The following LMBRD1 variants were observed in gnomAD, a reference collection of about 807,000 sequenced individuals.
LMBRD1 encodes LMBR1 domain containing 1.
In LMBRD1, 64 loss-of-function variants were observed where a neutral mutation model predicts 74.8. That is an observed-to-expected ratio of 0.86 (90% CI 0.70 to 1.05). The LOEUF is 1.05. Among genes scored for constraint, LMBRD1 ranks in the 50% least tolerant of loss-of-function variants. LMBRD1 has a pLI of 0.00. For missense variants in LMBRD1, 652 were observed against 645.9 expected (o/e 1.01, Z -0.10); for synonymous variants, 204 against 216.3 (o/e 0.94, Z 0.50).
At chr6:69,711,248 T>C (rs1014920665) in intron 9 of LMBRD1, among the ~76,000 whole-genome samples, 1 of 152,160 alleles carries the variant, frequency 6.6e-6, no homozygotes, top group African/African-American at 2.4e-5. Context: ...TTCCATTTAT[T>C]TAAAATTCCA....
intron 12 of LMBRD1, among the ~76,000 whole-genome samples, chr6:69,699,988 T>A (rs974795297): frequency 1.3e-5 from 2 of 151,868 alleles, no homozygotes; most frequent in African/African-American, 4.8e-5. Context: ...TTTATTGATA[T>A]AATTGTTTAC....
intron 7 of LMBRD1, among the ~76,000 whole-genome samples, chr6:69,724,346 T>C (rs62408994): frequency 1.2e-4 from 4 of 32,614 alleles, no homozygotes; most frequent in Admixed American, 7.9e-4. Flanking sequence ...CAAAGACACA[T>C]TTAAAAAAAA....
In LMBRD1 at chr6:69,737,729, T is replaced by C. The variant is rs561644664; in HGVS notation, c.636+213A>G. 4.6e-5 allele frequency among the ~76,000 whole-genome samples: 7 copies of C among 151,734 alleles called. No individual in the cohort carries two copies. In the South Asian group the frequency reaches 1.5e-3, roughly 31 times the overall value. On this transcript the variant is annotated intron_variant, in intron 7 of 15. Coordinates refer to ENST00000649934, the MANE Select transcript of LMBRD1 (RefSeq NM_018368.4). ...TATAACCACCTTCAAGGTTCATAAG[T>C]TATAAAATTTCTGATTATGAAATTG...
rs950322123 is a variant in LMBRD1 at position 69,674,790 on chromosome 6, T to C, written c.*1368A>G. Among the ~76,000 whole-genome samples, 2 of 151,920 alleles carry C rather than the reference T, an allele frequency of 1.3e-5. No individual in the cohort carries two copies. Among genetic ancestry groups the C allele is most frequent in the South Asian group, 2.1e-4 (1 of 4,814 alleles). On this transcript the variant is annotated 3_prime_UTR_variant, in exon 16 of 16. Coordinates refer to ENST00000649934, the MANE Select transcript of LMBRD1 (RefSeq NM_018368.4). ...GAGTTCAAGACCAGCCTGGCCAAGA[T>C]GGTGAAACCCCATCTCTGCTAAAAA...
intron 7 of LMBRD1, among the ~76,000 whole-genome samples, chr6:69,734,556 C>T (rs115827062): frequency 9.9e-5 from 15 of 151,976 alleles, no homozygotes; most frequent in African/African-American, 2.9e-4. Flanking sequence ...CCACTAAGCC[C>T]GGCTAATTTT....
intron 3 of LMBRD1, among the ~76,000 whole-genome samples, chr6:69,759,888 CCAA>C (rs1230491829): frequency 6.6e-6 from 1 of 151,934 alleles, no homozygotes; most frequent in Non-Finnish European, 1.5e-5. Context: ...ACTGAAAAAG[CCAA>C]CAAATTTTTT....
chr6:69,680,793 T>G (rs1423661683), intron 14 of LMBRD1, among the ~76,000 whole-genome samples: 1 of 152,092 alleles, frequency 6.6e-6, no homozygotes, highest in Non-Finnish European at 1.5e-5. Flanking sequence ...GCTAATAAGA[T>G]GCATGCATAT....
At chr6:69,721,289 A>G (rs1484674537) in intron 7 of LMBRD1, among the ~76,000 whole-genome samples, 1 of 152,146 alleles carries the variant, frequency 6.6e-6, no homozygotes, top group African/African-American at 2.4e-5. Flanking sequence ...TCCTCTCCCA[A>G]CCCCATGAAG....
intron 9 of LMBRD1, among the ~76,000 whole-genome samples, chr6:69,711,568 T>C (rs915938731): frequency 2.6e-5 from 4 of 152,172 alleles, no homozygotes; most frequent in South Asian, 2.1e-4. Context: ...AGTTTCATCA[T>C]ACTTTCAGTG....
chr6:69,698,931 A>C (rs919320708), intron 13 of LMBRD1, 112 bp downstream of exon 13: 1 of 725,208 alleles, frequency 1.4e-6, no homozygotes, highest in Admixed American at 2.7e-5. Context: ...AGCAATATTA[A>C]ATATAATCTG....
Position 69,796,851 on chromosome 6 carries a change from G to C in LMBRD1, c.31C>G (p.Leu11Val). The C allele has an allele frequency of 1.2e-6, 2 of 1,614,112 alleles. No homozygotes were observed. The highest frequency in any genetic ancestry group is 1.7e-6 in the Non-Finnish European group (2 of 1,180,016). The change falls in exon 1 of 16, where the codon CTG (leucine) becomes GTG (valine). Residue 11 changes from leucine (L) to valine (V), a missense_variant. Around this residue, in one of 3 missense-constraint regions of LMBRD1, gnomAD observed 598 missense variants for 581.8 expected, o/e 1.03. Transcript: ENST00000649934. ...CCGAATATGCACCAGCCGATCACCA[G>C]CTCCGCCGAGGCCGCGCCAGAAGTC... is the stretch of plus-strand genomic sequence containing the variant. MATSGAASAE[L>V]VIGWCIFGLL...
At chr6:69,746,467 C>A in intron 5 of LMBRD1, 1 of 158,282 alleles carries the variant, frequency 6.3e-6, no homozygotes, top group South Asian at 2.0e-4. Context: ...TCTAGAACAT[C>A]ATCCCTGCCT....
At chr6:69,724,800 G>C (rs955417728) in intron 7 of LMBRD1, among the ~76,000 whole-genome samples, 2 of 151,928 alleles carry the variant, frequency 1.3e-5, no homozygotes. Flanking sequence ...TTTCTTCTTA[G>C]TTCTGGAGCA....
At chr6:69,793,384 C>T (rs1325984097) in intron 1 of LMBRD1, among the ~76,000 whole-genome samples, 1 of 152,168 alleles carries the variant, frequency 6.6e-6, no homozygotes. Flanking sequence ...TCTTGTTAAA[C>T]TGCAGATCTG....
intron 6 of LMBRD1, among the ~76,000 whole-genome samples, chr6:69,740,177 G>A (rs1380790854): frequency 6.6e-6 from 1 of 152,016 alleles, no homozygotes; most frequent in African/African-American, 2.4e-5. Context: ...GCAAGGAGGT[G>A]GGATGAGAGA....
intron 2 of LMBRD1, among the ~76,000 whole-genome samples, chr6:69,789,999 T>C (rs1312118741): frequency 6.6e-6 from 1 of 152,256 alleles, no homozygotes; most frequent in East Asian, 1.9e-4. Context: ...TTCTCAATTA[T>C]TTACTTATTG....
chr6:69,740,754 A>C (rs1458745488), intron 6 of LMBRD1, among the ~76,000 whole-genome samples: 1 of 152,232 alleles, frequency 6.6e-6, no homozygotes, highest in East Asian at 1.9e-4. Flanking sequence ...ATTTTTCTGC[A>C]TAGTATTTAT....
intron 1 of LMBRD1, among the ~76,000 whole-genome samples, chr6:69,794,403 C>G (rs1226885844): frequency 6.6e-6 from 1 of 152,160 alleles, no homozygotes. Flanking sequence ...ATGAAGCATG[C>G]GTACATAAAG....
intron 7 of LMBRD1, among the ~76,000 whole-genome samples, chr6:69,721,166 T>A (rs75155888): frequency 9.9e-5 from 15 of 152,260 alleles, no homozygotes; most frequent in African/African-American, 3.6e-4. Context: ...AAAGGCAGTC[T>A]AGGAAACAAG....
Sources: allele counts gnomAD v4.1 joint callset (sites outside exome capture counted in the v4.1 genomes callset), GRCh38; gene constraint gnomAD v4.1.1; regional missense constraint gnomAD v4.1.1; transcripts MANE v1.5; gene names NCBI Gene and HGNC (gene_info 2026-07-23, HGNC 2026-07-21).